The following SETD2 variants were observed in gnomAD, a reference collection of about 807,000 sequenced individuals.
The protein encoded by SETD2 is SET domain containing 2, histone lysine methyltransferase.
Under a neutral mutation model 242.1 loss-of-function variants are expected in SETD2, and 31 were observed. The ratio of observed to expected loss-of-function variants is 0.13; its 90% CI spans 0.10 to 0.17. The LOEUF (loss-of-function observed/expected upper bound fraction) is 0.17, where lower values mean the gene tolerates loss of function less well. SETD2 is among the 10% of genes least tolerant of loss of function. SETD2 has a pLI of 1.00. For missense variants in SETD2, 2,481 were observed against 3,046.3 expected (o/e 0.81, Z 4.37); for synonymous variants, 1,006 against 1,066.5 (o/e 0.94, Z 1.11).
chr3:47,122,319 T>C lies in SETD2; in HGVS notation c.2317A>G (p.Thr773Ala), dbSNP rs116251336. The C allele has an allele frequency of 1.9e-6, 3 of 1,614,086 alleles. No individual in the cohort carries two copies. The East Asian group carries it at 6.7e-5, about 36-fold the overall frequency. ...GTATCAACTGGTTCTTTAACTACTG[T>C]TTTGGAATAATCCACAGTCATAACT... ...MPVMTVDYSK[T>A]VVKEPVDTRV... The change falls in exon 3 of 21, where the codon ACA (threonine) becomes GCA (alanine). Residue 773 changes from threonine to alanine, a missense_variant. By Grantham distance (58) the Thr-to-Ala change is moderately conservative. This residue lies in a region of SETD2 where 1,300 missense variants were observed against 1,259.2 expected (regional missense o/e 1.03). Transcript: ENST00000409792.
Position 47,122,507 on chromosome 3 carries a change from A to G in SETD2, c.2129T>C (p.Leu710Ser), listed in dbSNP as rs1046543806. Reference sequence around the variant, plus strand: ...TGATGAAAGCATGCATGCTTTGACCAAAGGGGATAATTCCGATCCAGTCAC... The same window carrying G: ...TGATGAAAGCATGCATGCTTTGACCGAAGGGGATAATTCCGATCCAGTCAC... Reference protein sequence around the residue: ...DSVTGSELSPLVKACMLSSNG... With the variant: ...DSVTGSELSPSVKACMLSSNG... Residue 710 changes from leucine (L) to serine (S), a missense_variant, in exon 3 of 21, where the codon TTG (leucine) becomes TCG (serine). Around this residue, in one of 17 missense-constraint regions of SETD2, gnomAD observed 1,300 missense variants for 1,259.2 expected, o/e 1.03. Transcript: ENST00000409792. The G allele has an allele frequency of 1.2e-6, 2 of 1,614,164 alleles. No individual in the cohort carries two copies. The highest frequency in any genetic ancestry group is 1.7e-6 in the Non-Finnish European group (2 of 1,179,992).
At chr3:47,075,129 G>C (rs1296478165) in intron 12 of SETD2, among the ~76,000 whole-genome samples, 1 of 141,456 alleles carries the variant, frequency 7.1e-6, no homozygotes, top group African/African-American at 2.7e-5. Context: ...GCGAGACTCC[G>C]TCTCTTAAAA....
At chr3:47,117,571 T>C (rs1165365332) in intron 3 of SETD2, among the ~76,000 whole-genome samples, 1 of 152,230 alleles carries the variant, frequency 6.6e-6, no homozygotes, top group Non-Finnish European at 1.5e-5. Flanking sequence ...GAAAAGGGGT[T>C]TCTAAAAAAA....
intron 1 of SETD2, among the ~76,000 whole-genome samples, chr3:47,144,314 T>C (rs1335756081): frequency 6.6e-6 from 1 of 152,044 alleles, no homozygotes; most frequent in Non-Finnish European, 1.5e-5. Context: ...GGCAGCACTG[T>C]GAGACCCTGT....
At chr3:47,102,785 A>AG (rs1428598466) in intron 7 of SETD2, among the ~76,000 whole-genome samples, 1 of 151,688 alleles carries the variant, frequency 6.6e-6, no homozygotes, top group Non-Finnish European at 1.5e-5. Context: ...AAAAAAAAAA[A>AG]AAAAAAAGAT....
intron 12 of SETD2, 73 bp from the exon 13 acceptor site, chr3:47,067,191 T>C: frequency 4.6e-6 from 5 of 1,090,808 alleles, no homozygotes; most frequent in Non-Finnish European, 4.2e-6. Flanking sequence ...CTGACTGTTT[T>C]CACATGACAA....
intron 1 of SETD2, among the ~76,000 whole-genome samples, chr3:47,144,178 A>C (rs1190607180): frequency 6.6e-6 from 1 of 152,156 alleles, no homozygotes; most frequent in African/African-American, 2.4e-5. Context: ...GTAAATGTAT[A>C]CCTCACAGAA....
intron 14 of SETD2, among the ~76,000 whole-genome samples, chr3:47,060,533 A>C (rs1426477533): frequency 1.3e-5 from 2 of 152,168 alleles, no homozygotes; most frequent in African/African-American, 2.4e-5. Flanking sequence ...ACTGCAGACA[A>C]GTGAAAAGGA....
intron 5 of SETD2, among the ~76,000 whole-genome samples, chr3:47,112,489 C>T (rs904774236): frequency 3.3e-5 from 5 of 152,160 alleles, no homozygotes; most frequent in Non-Finnish European, 5.9e-5. Flanking sequence ...ACCACATTGG[C>T]CAGGCTGGTC....
chr3:47,075,635 G>T (rs2041040542), intron 12 of SETD2, among the ~76,000 whole-genome samples: 1 of 150,448 alleles, frequency 6.6e-6, no homozygotes, highest in African/African-American at 2.4e-5. Flanking sequence ...TGCATGAACT[G>T]CCTAGAAAAG....
chr3:47,059,634 G>A (rs974513037), intron 14 of SETD2, among the ~76,000 whole-genome samples: 1 of 151,112 alleles, frequency 6.6e-6, no homozygotes, highest in Non-Finnish European at 1.5e-5. Context: ...TGGCCAGACT[G>A]GTCTCAAACT....
At position 47,046,520 on chromosome 3, in the gene SETD2, T is replaced by A. The variant is rs1407268741; in HGVS notation, c.7065A>T (p.Ile2355=). 6.2e-7 allele frequency: 1 copy of A among 1,610,688 alleles called. No homozygotes were observed. Among genetic ancestry groups the A allele is most frequent in the Non-Finnish European group, 8.5e-7 (1 of 1,178,032 alleles). ...AGGGCTGAGGCTGCCCTGGTGCAAC[T>A]ATTGTAGTCACTGCTGCGGCTGGCT... ...VVQPAAAVTT[I]VAPGQPQPLQ... is the part of the protein sequence containing the mutation. Residue 2355 remains isoleucine (I), a synonymous_variant, in exon 16 of 21, where the codon ATA becomes ATT. Coordinates refer to ENST00000409792, the MANE Select transcript of SETD2 (RefSeq NM_014159.7).
At chr3:47,152,758 G>A (rs922435239) in intron 1 of SETD2, among the ~76,000 whole-genome samples, 1 of 152,134 alleles carries the variant, frequency 6.6e-6, no homozygotes, top group African/African-American at 2.4e-5. Context: ...AACTACAATT[G>A]GAAACCACCA....
chr3:47,147,323 A>ATTT (rs538113130), intron 1 of SETD2, among the ~76,000 whole-genome samples: 11 of 126,164 alleles, frequency 8.7e-5, no homozygotes, highest in Non-Finnish European at 1.5e-4. Flanking sequence ...ACTGCATGTC[A>ATTT]TTTTTTTTTT....
chr3:47,133,475 C>A (rs1392409560), intron 1 of SETD2, among the ~76,000 whole-genome samples: 1 of 152,008 alleles, frequency 6.6e-6, no homozygotes, highest in Non-Finnish European at 1.5e-5. Flanking sequence ...GTGGGCCAGG[C>A]GTGGTGGTTC....
intron 13 of SETD2, 88 bp from the exon 14 acceptor site, chr3:47,062,434 T>A (rs2107590812): frequency 8.2e-7 from 1 of 1,213,846 alleles, no homozygotes; most frequent in Non-Finnish European, 1.2e-6. Context: ...ATCAACTGTA[T>A]AATAAAACTT....
intron 1 of SETD2, among the ~76,000 whole-genome samples, chr3:47,153,100 A>AC (rs1164450214): frequency 6.6e-6 from 1 of 152,034 alleles, no homozygotes; most frequent in Non-Finnish European, 1.5e-5. Flanking sequence ...CAGGAGGATC[A>AC]CTTGAGACCA....
rs751874491 is a variant in SETD2 at position 47,017,933 on chromosome 3, G to A, written c.7432-194C>T. Among the ~76,000 whole-genome samples the A allele has an allele frequency of 1.3e-5, 2 of 152,240 alleles. No individual in the cohort carries two copies. Among genetic ancestry groups the A allele is most frequent in the African/African-American group, 2.4e-5 (1 of 41,464 alleles). ...TGAGAAAAGGATACGGGCTCAGCCT[G>A]AGAGGGAAAGAGCTCCCCTGGATGG... On this transcript the variant is annotated intron_variant, in intron 19 of 20. Transcript: ENST00000409792. This position sits in a 1 kb window ranked among gnomAD's most constrained non-coding sequence, Gnocchi z 4.8.
intron 9 of SETD2, among the ~76,000 whole-genome samples, chr3:47,093,470 G>T (rs1019348416): frequency 6.6e-6 from 1 of 151,934 alleles, no homozygotes; most frequent in Non-Finnish European, 1.5e-5. Context: ...TTTTAGTAGA[G>T]ACAGGGTTTC....
Sources: gnomAD v4.1 joint callset for allele counts (sites outside exome capture counted in the v4.1 genomes callset) on GRCh38, gnomAD v4.1.1 for gene constraint, gnomAD v4.1.1 regional missense constraint, Gnocchi (gnomAD v3.1) non-coding constraint, MANE v1.5 for transcripts, NCBI Gene and HGNC (gene_info 2026-07-23, HGNC 2026-07-21) for gene names.